SPRR2F: variants seen among roughly 807,000 people sequenced by gnomAD.
SPRR2F encodes the protein small proline-rich protein 2F.
A neutral mutation model predicts 0.8 loss-of-function variants in SPRR2F; 2 were observed. The observed-to-expected ratio is 2.52, with a 90% CI of 1.03 to 7.95. The LOEUF (loss-of-function observed/expected upper bound fraction) is 7.95. SPRR2F is among the 30% of genes most tolerant of loss of function. The probability of loss-of-function intolerance (pLI) is 0.04; values close to 1 mark genes in which losing one functional copy is unlikely to be tolerated. For missense variants in SPRR2F, 80 were observed against 85.8 expected, an observed-to-expected ratio of 0.93 and a Z score of 0.27; for synonymous variants, 39 against 33.4, an observed-to-expected ratio of 1.17 and a Z score of -0.58.
rs1655613122 is a variant in SPRR2F, at chr1:153,112,495, C to G, written c.*20G>C. On this transcript the variant is annotated 3_prime_UTR_variant, in exon 2 of 2. Transcript: ENST00000468739. Reference sequence around the variant, plus strand: ...CCAATTATCCTTATCCTTTCATGCTCCTGATGAATCCTGAAGCTGTTACTT... The same window carrying G: ...CCAATTATCCTTATCCTTTCATGCTGCTGATGAATCCTGAAGCTGTTACTT... 1 of 1,605,676 alleles carries G rather than the reference C, an allele frequency of 6.2e-7. No homozygotes were observed. The highest frequency in any genetic ancestry group is 8.5e-7 in the Non-Finnish European group (1 of 1,176,554).
chr1:153,118,174 G>A (rs192417432), upstream of SPRR2F, among the ~76,000 whole-genome samples: 26 of 152,146 alleles, frequency 1.7e-4, no homozygotes, highest in Middle Eastern at 6.8e-3. Context: ...TAGATAAATA[G>A]ATAAATAAAC....
chr1:153,112,644 C>A lies in SPRR2F; in HGVS notation c.90G>T (p.Pro30=), dbSNP rs377652411. The A allele has an allele frequency of 9.9e-6, 16 of 1,612,302 alleles. No individual in the cohort carries two copies. The highest frequency in any genetic ancestry group is 1.3e-5 in the African/African-American group (1 of 74,804). The change falls in exon 2 of 2, where the codon CCG becomes CCT. Residue 30 remains proline (P), a synonymous_variant. Coordinates refer to ENST00000468739, the MANE Select transcript of SPRR2F (RefSeq NM_001014450.3). ...APKCPEPCPP[P]KCPEPCPPSK... ...ATGGTGGGCAGGGCTCAGGGCACTTCGGGGGTGGACATGGCTCTGGGCACT... is the reference window on the plus strand; with the variant it reads ...ATGGTGGGCAGGGCTCAGGGCACTTAGGGGGTGGACATGGCTCTGGGCACT...
At chr1:153,113,597 T>A (rs994362950), upstream of SPRR2F, 9 of 152,182 alleles carry the variant, frequency 5.9e-5, no homozygotes, top group African/African-American at 2.2e-4. Context: ...GCTACACTTA[T>A]CCAGTAATTT....
chr1:153,115,373 G>A (rs1655704064), upstream of SPRR2F, among the ~76,000 whole-genome samples: 1 of 152,060 alleles, frequency 6.6e-6, no homozygotes, highest in African/African-American at 2.4e-5. Context: ...TGCAAAATTG[G>A]AGAATTGGCT....
rs569321638 is a variant in SPRR2F at position 153,112,135 on chromosome 1, C to A, written c.*380G>T. ...ATTCACAAATATATATGCATAGATTCTTTATTCAGGGAGTGAAAGGAAAGT... is the reference window on the plus strand; with the variant it reads ...ATTCACAAATATATATGCATAGATTATTTATTCAGGGAGTGAAAGGAAAGT... On this transcript the variant is annotated 3_prime_UTR_variant, in exon 2 of 2. Transcript: ENST00000468739. 7.4e-4 allele frequency: 233 copies of A among 314,974 alleles called. No homozygotes were observed. The highest frequency in any genetic ancestry group is 1.1e-3 in the Non-Finnish European group (188 of 172,094). The allele number at this position is 314,974 out of a possible 1,614,324, so 19.5% of individuals were successfully genotyped here.
chr1:153,112,497 T>A lies in SPRR2F; in HGVS notation c.*18A>T, dbSNP rs1199334901. The A allele has an allele frequency of 1.9e-6, 3 of 1,606,880 alleles. No homozygotes were observed. Among genetic ancestry groups the A allele is most frequent in the Middle Eastern group, 2.1e-4 (1 of 4,862 alleles). ...AATTATCCTTATCCTTTCATGCTCCTGATGAATCCTGAAGCTGTTACTTGC... is the reference window on the plus strand; with the variant it reads ...AATTATCCTTATCCTTTCATGCTCCAGATGAATCCTGAAGCTGTTACTTGC... On this transcript the variant is annotated 3_prime_UTR_variant, in exon 2 of 2. Coordinates refer to ENST00000468739, the MANE Select transcript of SPRR2F (RefSeq NM_001014450.3).
At chr1:153,115,363 T>C (rs1314573844), upstream of SPRR2F, among the ~76,000 whole-genome samples, 1 of 152,128 alleles carries the variant, frequency 6.6e-6, no homozygotes, top group African/African-American at 2.4e-5. Context: ...ATTTCTAACA[T>C]GCAAAATTGG....
rs969740393 is a variant in SPRR2F at position 153,112,546 on chromosome 1, C to T, written c.188G>A (p.Cys63Tyr). 4.3e-6 allele frequency: 7 copies of T among 1,612,676 alleles called. No homozygotes were observed. Among genetic ancestry groups the T allele is most frequent in the Non-Finnish European group, 8.5e-7 (1 of 1,179,736 alleles). The change falls in exon 2 of 2, where the codon TGC (cysteine) becomes TAC (tyrosine). Residue 63 changes from cysteine (C) to tyrosine (Y), a missense_variant. Transcript: ENST00000468739. ...KCPPVTPSPP[C>Y]QPKCPPKSK Reference sequence around the variant, plus strand: ...GCTCTTGGGTGGACACTTTGGCTGGCAGGGTGGGGAAGGTGTCACAGGAGG... The same window carrying T: ...GCTCTTGGGTGGACACTTTGGCTGGTAGGGTGGGGAAGGTGTCACAGGAGG...
chr1:153,117,313 G>A (rs1655738041), upstream of SPRR2F, among the ~76,000 whole-genome samples: 1 of 151,874 alleles, frequency 6.6e-6, no homozygotes, highest in African/African-American at 2.4e-5. Flanking sequence ...TTAGTTATTT[G>A]GACTAAGATT....
At position 153,112,713 on chromosome 1, in the gene SPRR2F, C is replaced by G; in HGVS notation, c.21G>C (p.Gln7His). Residue 7 changes from glutamine to histidine, a missense_variant, in exon 2 of 2, where the codon CAG becomes CAC. By Grantham distance (24) the Gln-to-His change is conservative. Coordinates refer to ENST00000468739, the MANE Select transcript of SPRR2F (RefSeq NM_001014450.3). ...GAGGTGGCTGGCAGGGCTGCTTGCA[C>G]TGCTGCTGTTGATAAGACATCCTGC... Reference protein sequence around the residue: MSYQQQQCKQPCQPPPV... With the variant: MSYQQQHCKQPCQPPPV... 6.2e-7 allele frequency: 1 copy of G among 1,612,034 alleles called. No individual in the cohort carries two copies. The highest frequency in any genetic ancestry group is 8.5e-7 in the Non-Finnish European group (1 of 1,179,840).
upstream of SPRR2F, among the ~76,000 whole-genome samples, chr1:153,117,567 A>G (rs1470570394): frequency 3.9e-5 from 6 of 152,072 alleles, no homozygotes; most frequent in East Asian, 1.2e-3. Flanking sequence ...AAGTCCTTAT[A>G]AGGAACTGAA....
upstream of SPRR2F, among the ~76,000 whole-genome samples, chr1:153,114,680 C>T (rs1411933028): frequency 6.6e-6 from 1 of 152,128 alleles, no homozygotes; most frequent in Non-Finnish European, 1.5e-5. Flanking sequence ...CTTTCTCTGT[C>T]TTTTCCATAA....
chr1:153,112,395 G>C lies in SPRR2F; in HGVS notation c.*120C>G. The C allele has an allele frequency of 6.7e-7, 1 of 1,494,376 alleles. No individual in the cohort carries two copies. The allele number at this position is 1,494,376 out of a possible 1,614,324, so 92.6% of individuals were successfully genotyped here. On this transcript the variant is annotated 3_prime_UTR_variant, in exon 2 of 2. Transcript: ENST00000468739. ...TCATCACAGGCCGATCACAGGCTAA[G>C]AGGAAAGAAGCTCCCTGTGTATCCC...
upstream of SPRR2F, among the ~76,000 whole-genome samples, chr1:153,114,493 C>T (rs1315106365): frequency 2.6e-5 from 4 of 152,160 alleles, no homozygotes; most frequent in Admixed American, 1.3e-4. Context: ...TGCATAGACT[C>T]ACATTATCAT....
the SPRR2F span, among the ~76,000 whole-genome samples, chr1:153,119,368 C>A: frequency 2.0e-5 from 3 of 152,182 alleles, no homozygotes; most frequent in African/African-American, 4.8e-5. Flanking sequence ...ATGGAAGACA[C>A]AACGGTTGCA....
upstream of SPRR2F, among the ~76,000 whole-genome samples, chr1:153,117,736 G>A (rs183116444): frequency 3.7e-4 from 57 of 152,068 alleles, 2 homozygotes; most frequent in East Asian, 6.8e-3. Flanking sequence ...TTAAAAACAT[G>A]GGCTAAGAAA....
chr1:153,116,046 C>A (rs1321683815), upstream of SPRR2F, among the ~76,000 whole-genome samples: 3 of 152,124 alleles, frequency 2.0e-5, no homozygotes, highest in Admixed American at 6.5e-5. Context: ...ATCAAACATG[C>A]AAGAAGAAAC....
the SPRR2F span, among the ~76,000 whole-genome samples, chr1:153,118,985 G>C: frequency 6.6e-6 from 1 of 152,106 alleles, no homozygotes; most frequent in Non-Finnish European, 1.5e-5. Flanking sequence ...TGTCAGAGTT[G>C]AATTTTTTAT....
chr1:153,119,411 AAGG>A, the SPRR2F span, among the ~76,000 whole-genome samples: 9 of 152,322 alleles, frequency 5.9e-5, no homozygotes, highest in Non-Finnish European at 1.2e-4. Flanking sequence ...CACGGGGTAA[AAGG>A]AGGAGGATTT....
Sources: allele counts gnomAD v4.1 joint callset (sites outside exome capture counted in the v4.1 genomes callset), GRCh38; gene constraint gnomAD v4.1.1; transcripts MANE v1.5; gene names NCBI Gene and HGNC (gene_info 2026-07-23, HGNC 2026-07-21).